EXPH5: variants seen among roughly 807,000 people sequenced by gnomAD.
EXPH5 encodes the protein exophilin-5.
Under a neutral mutation model 41.1 loss-of-function variants are expected in EXPH5, and 42 were observed. That is an observed-to-expected ratio of 1.02 (90% CI 0.80 to 1.32). The LOEUF is 1.32. EXPH5 is among the 40% of genes most tolerant of loss of function. The pLI is 0.00. For missense variants in EXPH5, 2,298 were observed against 2,314.5 expected (o/e 0.99, Z 0.15); for synonymous variants, 798 against 833.5 (o/e 0.96, Z 0.73).
the EXPH5 span, among the ~76,000 whole-genome samples, chr11:108,599,970 A>G: frequency 6.6e-6 from 1 of 152,224 alleles, no homozygotes; most frequent in Non-Finnish European, 1.5e-5. Context: ...TTGCTTCCAT[A>G]ATACTAATCC....
chr11:108,524,673 C>A (rs1446462826), intron 4 of EXPH5, among the ~76,000 whole-genome samples: 1 of 152,188 alleles, frequency 6.6e-6, no homozygotes, highest in Admixed American at 6.5e-5. Flanking sequence ...GGCAGCCAAA[C>A]CTGTAGAACA....
intron 5 of EXPH5, among the ~76,000 whole-genome samples, chr11:108,515,861 A>G (rs950303748): frequency 8.5e-5 from 13 of 152,092 alleles, no homozygotes; most frequent in Admixed American, 7.2e-4. Flanking sequence ...TCACGAGGTC[A>G]GGAGATTGAG....
chr11:108,579,639 T>C (rs2094091631), intron 1 of EXPH5, among the ~76,000 whole-genome samples: 1 of 152,052 alleles, frequency 6.6e-6, no homozygotes, highest in Non-Finnish European at 1.5e-5. Flanking sequence ...TAGAACCTGG[T>C]CACAAGGCAC....
At chr11:108,583,884 A>T (rs2094105936) in intron 1 of EXPH5, among the ~76,000 whole-genome samples, 1 of 152,158 alleles carries the variant, frequency 6.6e-6, no homozygotes, top group African/African-American at 2.4e-5. Context: ...CACCACTTAC[A>T]GGAGACATGA....
At position 108,514,671 on chromosome 11, in the gene EXPH5, G is replaced by A. The variant is rs781269063; in HGVS notation, c.836C>T (p.Thr279Ile). The A allele has an allele frequency of 6.2e-7, 1 of 1,604,698 alleles. No individual in the cohort carries two copies. Among genetic ancestry groups the A allele is most frequent in the Non-Finnish European group, 8.5e-7 (1 of 1,176,448 alleles). Residue 279 changes from threonine to isoleucine, a missense_variant, in exon 6 of 6, where the codon ACT (threonine) becomes ATT (isoleucine). Thr to Ile is a moderately conservative substitution (Grantham distance 89). Coordinates refer to ENST00000265843, the MANE Select transcript of EXPH5 (RefSeq NM_015065.3). ...MSIYDILRPG[T>I]PREGFKTFSP... ...AAAGGTTTTAAAACCTTCCCTAGGA[G>A]TTCCTGGTCTTAGGATGTCATAGAT...
chr11:108,586,843 T>C (rs1342517292), intron 1 of EXPH5, among the ~76,000 whole-genome samples: 1 of 151,884 alleles, frequency 6.6e-6, no homozygotes. Context: ...GCTCCTGTGA[T>C]CTGTTAATAT....
At chr11:108,560,762 C>A (rs777625605) in intron 1 of EXPH5, among the ~76,000 whole-genome samples, 1 of 152,106 alleles carries the variant, frequency 6.6e-6, no homozygotes, top group Admixed American at 6.5e-5. Context: ...GCAGTACAAA[C>A]GCAAGTGTCT....
At chr11:108,519,666 T>C (rs545349172) in intron 4 of EXPH5, among the ~76,000 whole-genome samples, 4 of 151,736 alleles carry the variant, frequency 2.6e-5, no homozygotes, top group African/African-American at 9.7e-5. Flanking sequence ...GAGAATAGCT[T>C]GAACTCGGAA....
chr11:108,568,012 T>A (rs950115996), intron 1 of EXPH5: 5 of 152,142 alleles, frequency 3.3e-5, no homozygotes, highest in African/African-American at 1.2e-4. Flanking sequence ...CAGTGCCCTA[T>A]CCTGGTGGGC....
chr11:108,535,993 A>G (rs1304053742), intron 3 of EXPH5, among the ~76,000 whole-genome samples: 1 of 152,222 alleles, frequency 6.6e-6, no homozygotes, highest in African/African-American at 2.4e-5. Context: ...GGGGCTGAGC[A>G]CATGTTACAT....
chr11:108,565,030 C>T (rs559224870), intron 1 of EXPH5, among the ~76,000 whole-genome samples: 14 of 151,536 alleles, frequency 9.2e-5, no homozygotes, highest in Non-Finnish European at 1.3e-4. Context: ...CTCGGCCTCC[C>T]GAGTAGCTGG....
At chr11:108,531,249 A>G (rs2093835905) in intron 3 of EXPH5, among the ~76,000 whole-genome samples, 1 of 152,122 alleles carries the variant, frequency 6.6e-6, no homozygotes, top group African/African-American at 2.4e-5. Context: ...TGCAAATTTG[A>G]TCTTATCAAC....
rs929866308 is a variant in EXPH5, at chr11:108,506,470, C to T, written c.*3067G>A. 1.3e-5 allele frequency: 2 copies of T among 152,138 alleles called. No individual in the cohort carries two copies. Among genetic ancestry groups the T allele is most frequent in the African/African-American group, 4.8e-5 (2 of 41,432 alleles). The allele number at this position is 152,138 out of a possible 1,614,324, so 9.4% of individuals were successfully genotyped here. A position where few individuals can be genotyped will look rare whatever the true frequency, so the allele number is the denominator to read the frequency against. On this transcript the variant is annotated 3_prime_UTR_variant, in exon 6 of 6. Coordinates refer to ENST00000265843, the MANE Select transcript of EXPH5 (RefSeq NM_015065.3). ...GTCTGGGCCCCAAAGCAGTTTCACC[C>T]TTACCTAACTTACCTAACTCTTAAT... is the stretch of plus-strand genomic sequence containing the variant.
intron 4 of EXPH5, among the ~76,000 whole-genome samples, chr11:108,522,066 C>T (rs115214617): frequency 0.011 from 1,640 of 152,224 alleles, 32 homozygotes; most frequent in African/African-American, 0.037. Context: ...TACTTCAAGA[C>T]CTATCCTACT....
At chr11:108,520,832 G>T (rs2093760534) in intron 4 of EXPH5, among the ~76,000 whole-genome samples, 1 of 152,104 alleles carries the variant, frequency 6.6e-6, no homozygotes, top group Non-Finnish European at 1.5e-5. Flanking sequence ...GCCCCCCAAA[G>T]TGCTGGGATT....
chr11:108,583,592 C>A (rs763794311), intron 1 of EXPH5, among the ~76,000 whole-genome samples: 1 of 150,998 alleles, frequency 6.6e-6, no homozygotes, highest in South Asian at 2.1e-4. Context: ...GAGGCCGAGG[C>A]GGGTGGATCA....
intron 1 of EXPH5, among the ~76,000 whole-genome samples, chr11:108,559,452 G>C (rs2094002877): frequency 6.6e-6 from 1 of 152,184 alleles, no homozygotes; most frequent in African/African-American, 2.4e-5. Context: ...TAGCACAGCT[G>C]CAAAGCAGGT....
intron 3 of EXPH5, chr11:108,538,235 C>A (rs746504751): frequency 2.0e-6 from 2 of 985,290 alleles, no homozygotes; most frequent in African/African-American, 3.5e-5. Flanking sequence ...TGTGGTTTGA[C>A]GGCACGCGGA....
chr11:108,534,482 A>G (rs1186133066), intron 3 of EXPH5, among the ~76,000 whole-genome samples: 1 of 152,182 alleles, frequency 6.6e-6, no homozygotes, highest in Non-Finnish European at 1.5e-5. Context: ...GTACTGGGTC[A>G]TTGAACCTCA....
Sources: gnomAD v4.1 joint callset for allele counts (sites outside exome capture counted in the v4.1 genomes callset) on GRCh38, gnomAD v4.1.1 for gene constraint, MANE v1.5 for transcripts, NCBI Gene and HGNC (gene_info 2026-07-23, HGNC 2026-07-21) for gene names.